The following INSL6 variants were observed in gnomAD, a reference collection of about 807,000 sequenced individuals.
INSL6 encodes insulin-like peptide INSL6.
Under a neutral mutation model 9.4 loss-of-function variants are expected in INSL6, and 16 were observed. The observed-to-expected ratio is 1.70, with a 90% CI of 1.15 to 2.59. The LOEUF (loss-of-function observed/expected upper bound fraction) is 2.59, where lower values mean the gene tolerates loss of function less well. Ranked by LOEUF, INSL6 falls within the 30% of genes most tolerant of loss-of-function variation. The pLI, the probability that INSL6 is intolerant of heterozygous loss-of-function variation, is 0.00. For missense variants in INSL6, 391 were observed against 257.3 expected (o/e 1.52, Z -3.56); for synonymous variants, 154 against 96.9 (o/e 1.59, Z -3.46).
chr9:5,097,187 AT>A, the INSL6 span: 1 of 152,180 alleles, frequency 6.6e-6, no homozygotes, highest in South Asian at 2.1e-4. Flanking sequence ...CCCCAGCCAT[AT>A]CCCAATATCA....
At chr9:5,143,053 G>A (rs1284954719) in intron 2 of INSL6, among the ~76,000 whole-genome samples, 1 of 152,118 alleles carries the variant, frequency 6.6e-6, no homozygotes, top group East Asian at 1.9e-4. Context: ...CTACTCGATT[G>A]TGATTGATTA....
At chr9:5,126,652 C>T (rs373518918) in intron 3 of INSL6, 2 of 1,447,240 alleles carry the variant, frequency 1.4e-6, no homozygotes. Flanking sequence ...CCTTAGTGTT[C>T]ATTTAATTTT....
chr9:5,152,349 A>G (rs930644635), intron 2 of INSL6, among the ~76,000 whole-genome samples: 1 of 152,218 alleles, frequency 6.6e-6, no homozygotes, highest in Non-Finnish European at 1.5e-5. Flanking sequence ...AATTCTCAAG[A>G]AATTTTAAAA....
At chr9:5,116,455 AAAGT>A in the INSL6 span, among the ~76,000 whole-genome samples, 35 of 152,342 alleles carry the variant, frequency 2.3e-4, 1 homozygote, top group Admixed American at 1.7e-3. Flanking sequence ...GTGAAACTAA[AAAGT>A]AAGACTCATC....
chr9:5,143,414 G>A (rs181106433), intron 2 of INSL6, among the ~76,000 whole-genome samples: 1 of 152,034 alleles, frequency 6.6e-6, no homozygotes, highest in East Asian at 1.9e-4. Flanking sequence ...GTTCAGTCTA[G>A]GGAGGGGGTA....
the INSL6 span, chr9:5,081,915 C>T: frequency 7.0e-7 from 1 of 1,427,278 alleles, no homozygotes; most frequent in Non-Finnish European, 9.8e-7. Flanking sequence ...TTAGGAAAAA[C>T]TTAAGAGCGT....
At position 5,154,710 on chromosome 9, in the gene INSL6, A is replaced by G. The variant is rs2130898071; in HGVS notation, c.376+9469T>C. Among the ~76,000 whole-genome samples the G allele has an allele frequency of 1.3e-5, 2 of 152,374 alleles. 1 individual carries two copies. Among genetic ancestry groups the G allele is most frequent in the South Asian group, 4.1e-4 (2 of 4,820 alleles). Reference sequence around the variant, plus strand: ...AAAAGAAGACATTTATGCAGCCAAAAGACACATGAAAAAATGCTCATCACC... The same window carrying G: ...AAAAGAAGACATTTATGCAGCCAAAGGACACATGAAAAAATGCTCATCACC... On this transcript the variant is annotated intron_variant, in intron 2 of 3. Coordinates refer to the INSL6 transcript ENST00000649639.
chr9:5,059,993 C>G, the INSL6 span, among the ~76,000 whole-genome samples: 1 of 152,076 alleles, frequency 6.6e-6, no homozygotes, highest in Non-Finnish European at 1.5e-5. Context: ...ATTTCTAGTT[C>G]AGTTCTGGAC....
chr9:5,111,162 G>A, the INSL6 span: 9 of 788,208 alleles, frequency 1.1e-5, no homozygotes, highest in Admixed American at 8.3e-5. Context: ...TTGCTGAGTC[G>A]CACGGCAGCC....
the INSL6 span, chr9:5,041,838 G>A: frequency 1.0e-5 from 5 of 477,378 alleles, no homozygotes; most frequent in Non-Finnish European, 1.7e-5. Context: ...CTCCACCAAT[G>A]GGGAGCTGAA....
chr9:5,034,129 C>G, the INSL6 span, among the ~76,000 whole-genome samples: 1 of 152,006 alleles, frequency 6.6e-6, no homozygotes, highest in Non-Finnish European at 1.5e-5. Flanking sequence ...CAACAAAGAT[C>G]AAAAGAAACA....
At position 5,182,258 on chromosome 9, in the gene INSL6, G is replaced by T. The variant is rs557128996; in HGVS notation, c.289+3056C>A. On this transcript the variant is annotated intron_variant, in intron 1 of 1. Coordinates refer to ENST00000381641, the MANE Select transcript of INSL6 (RefSeq NM_007179.3). ...AAGCAATGGACTAAATGTTCACATA[G>T]CAACAATAAGATATAGATCTTAAAT... is the stretch of plus-strand genomic sequence containing the variant. Among the ~76,000 whole-genome samples the T allele has an allele frequency of 3.9e-5, 6 of 152,086 alleles. No individual in the cohort carries two copies. In the East Asian group the frequency reaches 9.6e-4, roughly 24 times the overall value.
the INSL6 span, chr9:5,054,485 ACTT>A: frequency 1.6e-6 from 2 of 1,239,074 alleles, no homozygotes; most frequent in Non-Finnish European, 2.3e-6. This position sits in a 1 kb window ranked among gnomAD's most constrained non-coding sequence, Gnocchi z 4.9. Flanking sequence ...AAAGGTGGTA[ACTT>A]CTTTTTCAAT....
At chr9:5,053,397 A>G in the INSL6 span, among the ~76,000 whole-genome samples, 3 of 152,038 alleles carry the variant, frequency 2.0e-5, no homozygotes, top group Non-Finnish European at 2.9e-5. Context: ...AATCATATTT[A>G]TGATTTGCCA....
chr9:5,087,454 G>C, the INSL6 span, among the ~76,000 whole-genome samples: 1 of 99,334 alleles, frequency 1.0e-5, no homozygotes, highest in African/African-American at 5.1e-5. Flanking sequence ...ATTTGGGTGA[G>C]GACAATGCCA....
chr9:5,043,065 T>C, the INSL6 span, among the ~76,000 whole-genome samples: 1 of 152,204 alleles, frequency 6.6e-6, no homozygotes, highest in East Asian at 1.9e-4. Flanking sequence ...TGGCTTCCTG[T>C]CTCTGTGCTC....
chr9:5,170,739 G>C (rs1825162059), intron 1 of INSL6, among the ~76,000 whole-genome samples: 3 of 151,904 alleles, frequency 2.0e-5, no homozygotes. Context: ...GGAAAATCTA[G>C]ACACAATGGA....
chr9:5,014,156 T>C, the INSL6 span, among the ~76,000 whole-genome samples: 3 of 151,316 alleles, frequency 2.0e-5, no homozygotes, highest in Non-Finnish European at 4.4e-5. Context: ...AACTTTTATT[T>C]ACTCTTTCTT....
At chr9:5,095,191 T>A in the INSL6 span, among the ~76,000 whole-genome samples, 37,151 of 151,756 alleles carry the variant, frequency 0.24, 4,923 homozygotes, top group South Asian at 0.3. Flanking sequence ...TTGGGCCCAT[T>A]CTCCTGAAAA....
Sources: allele counts gnomAD v4.1 joint callset (sites outside exome capture counted in the v4.1 genomes callset), GRCh38; gene constraint gnomAD v4.1.1; non-coding constraint Gnocchi (gnomAD v3.1); transcripts MANE v1.5; gene names NCBI Gene and HGNC (gene_info 2026-07-23, HGNC 2026-07-21).